ATAD5: variants seen among roughly 807,000 people sequenced by gnomAD.
The protein encoded by ATAD5 is ATPase family AAA domain-containing protein 5.
Under a neutral mutation model 176.9 loss-of-function variants are expected in ATAD5, and 58 were observed. The ratio of observed to expected loss-of-function variants is 0.33; its 90% CI spans 0.27 to 0.41. The LOEUF (loss-of-function observed/expected upper bound fraction) is 0.41, where lower values mean the gene tolerates loss of function less well. Among genes scored for constraint, ATAD5 ranks in the 10% least tolerant of loss-of-function variants. ATAD5 has a pLI of 1.00. For missense variants in ATAD5, 1,789 were observed against 2,094.1 expected (o/e 0.85, Z 2.84); for synonymous variants, 640 against 712.6 (o/e 0.90, Z 1.62).
intron 2 of ATAD5, 107 bp downstream of exon 2, chr17:30,836,155 G>T: frequency 6.6e-6 from 6 of 913,804 alleles, no homozygotes; most frequent in South Asian, 2.6e-5. Flanking sequence ...GAACACAGCT[G>T]TTTAAAAGAA....
At chr17:30,840,244 A>T (rs1244158457) in intron 3 of ATAD5, among the ~76,000 whole-genome samples, 2 of 149,748 alleles carry the variant, frequency 1.3e-5, no homozygotes, top group Non-Finnish European at 3.0e-5. Context: ...AGGTCCATGT[A>T]TTATAATACT....
chr17:30,853,874 C>T (rs1206492903), intron 6 of ATAD5, among the ~76,000 whole-genome samples: 1 of 151,668 alleles, frequency 6.6e-6, no homozygotes, highest in Non-Finnish European at 1.5e-5. Context: ...AATATTACAT[C>T]AGAAGTTCTT....
At chr17:30,850,860 T>TAC in intron 6 of ATAD5, among the ~76,000 whole-genome samples, 1 of 35,844 alleles carries the variant, frequency 2.8e-5, no homozygotes, top group South Asian at 1.6e-3. Context: ...TATATATATA[T>TAC]ATATATATAT....
chr17:30,840,478 C>A, intron 3 of ATAD5, 139 bp from the exon 4 acceptor site: 1 of 577,388 alleles, frequency 1.7e-6, no homozygotes, highest in Non-Finnish European at 2.7e-6. Flanking sequence ...AGACACATTT[C>A]AATTTAAGGC....
chr17:30,894,931 G>T lies in ATAD5; in HGVS notation c.*18G>T, dbSNP rs560274061. On this transcript the variant is annotated 3_prime_UTR_variant, in exon 23 of 23. Coordinates refer to ENST00000321990, the MANE Select transcript of ATAD5 (RefSeq NM_024857.5). ...TCCCTTAATGTTCCATACTAACAAT[G>T]CTTTGTATAGATTATCATGTGGTCC... 7 of 1,517,698 alleles carry T rather than the reference G, an allele frequency of 4.6e-6. 1 individual carries two copies. Among genetic ancestry groups the T allele is most frequent in the African/African-American group, 2.8e-5 (2 of 71,454 alleles). The allele number at this position is 1,517,698 out of a possible 1,614,324, so 94.0% of individuals were successfully genotyped here.
In ATAD5 at chr17:30,879,486, T is replaced by C; in HGVS notation, c.4076T>C (p.Leu1359Pro). Residue 1359 changes from leucine to proline, a missense_variant and splice_region_variant, in exon 18 of 23, where the codon CTG becomes CCG. This residue lies in a region of ATAD5 where 194 missense variants were observed against 270.1 expected (regional missense o/e 0.72). Transcript: ENST00000321990. The stretch of plus-strand genomic sequence containing the variant: ...GAAATCAAGTTCAGTACTCCTTCCC[T>C]GGTAAGTTTTAAATTTTGATAGCCA... Reference protein sequence around the residue: ...FEEIKFSTPSLLNVASYLQMI... With the variant: ...FEEIKFSTPSPLNVASYLQMI... The C allele has an allele frequency of 1.3e-6, 2 of 1,587,650 alleles. No homozygotes were observed. Among genetic ancestry groups the C allele is most frequent in the Non-Finnish European group, 1.7e-6 (2 of 1,172,596 alleles).
At chr17:30,837,752 G>A (rs1376857544) in intron 3 of ATAD5, among the ~76,000 whole-genome samples, 1 of 152,136 alleles carries the variant, frequency 6.6e-6, no homozygotes, top group Non-Finnish European at 1.5e-5. Context: ...TTCTCACATG[G>A]TAGAGAACAG....
chr17:30,853,055 AATTTTTGT>A (rs985318319), intron 6 of ATAD5, among the ~76,000 whole-genome samples: 1 of 151,688 alleles, frequency 6.6e-6, no homozygotes, highest in Non-Finnish European at 1.5e-5. Flanking sequence ...ACAGCCAGCT[AATTTTTGT>A]ATTTTTAGTA....
intron 1 of ATAD5, among the ~76,000 whole-genome samples, chr17:30,833,883 C>T (rs902472286): frequency 2.0e-5 from 3 of 152,042 alleles, no homozygotes; most frequent in African/African-American, 7.2e-5. Context: ...GGTTTCACCA[C>T]GTTGGCCAGG....
At chr17:30,861,465 T>C (rs1169382287) in intron 10 of ATAD5, among the ~76,000 whole-genome samples, 1 of 152,122 alleles carries the variant, frequency 6.6e-6, no homozygotes, top group Admixed American at 6.6e-5. Flanking sequence ...AATGACCATA[T>C]TAACAGATAG....
intron 18 of ATAD5, among the ~76,000 whole-genome samples, chr17:30,885,649 G>T (rs8066600): frequency 0.96 from 122,296 of 127,024 alleles, 58,785 homozygotes; most frequent in Middle Eastern, 1. Context: ...TTTTTTTTTG[G>T]TTGAGATGGA....
chr17:30,893,877 A>G lies in ATAD5; in HGVS notation c.5024A>G (p.Asn1675Ser). The change falls in exon 21 of 23, where the codon AAT becomes AGT. Residue 1675 changes from asparagine (N) to serine (S), a missense_variant. Around this residue, in one of 6 missense-constraint regions of ATAD5, gnomAD observed 403 missense variants for 495.1 expected, o/e 0.81. Transcript: ENST00000321990. Reference sequence around the variant, plus strand: ...AGGGAACAAAACAAATACGGTAGAAATGACTTTAGTTGGACAAATGGAAAG... The same window carrying G: ...AGGGAACAAAACAAATACGGTAGAAGTGACTTTAGTTGGACAAATGGAAAG... ...DVREQNKYGR[N>S]DFSWTNGKVT... 1 of 1,613,994 alleles carries G rather than the reference A, an allele frequency of 6.2e-7. No homozygotes were observed. The highest frequency in any genetic ancestry group is 1.1e-5 in the South Asian group (1 of 91,060).
chr17:30,878,718 G>GT (rs71142005), intron 17 of ATAD5, among the ~76,000 whole-genome samples: 4,416 of 56,604 alleles, frequency 0.078, 1,457 homozygotes, highest in Non-Finnish European at 0.11. Context: ...GTTAGGTGGT[G>GT]TTTTTTTTTT....
At chr17:30,851,178 C>T (rs1289386175) in intron 6 of ATAD5, among the ~76,000 whole-genome samples, 18 of 147,986 alleles carry the variant, frequency 1.2e-4, no homozygotes, top group African/African-American at 9.8e-5. Flanking sequence ...CGTGAGCCAC[C>T]GTGCCGGTCT....
chr17:30,849,074 T>A (rs994896769), intron 6 of ATAD5, among the ~76,000 whole-genome samples: 1 of 152,124 alleles, frequency 6.6e-6, no homozygotes, highest in Non-Finnish European at 1.5e-5. Flanking sequence ...TTTCACCATG[T>A]TGGCCAGACT....
chr17:30,894,438 A>G (rs1909808517), intron 21 of ATAD5, 126 bp from the exon 22 acceptor site: 2 of 944,434 alleles, frequency 2.1e-6, no homozygotes, highest in Non-Finnish European at 3.1e-6. Context: ...TGATGTGTTG[A>G]CAGGAAATTA....
At chr17:30,861,381 T>C (rs1336017063) in intron 10 of ATAD5, among the ~76,000 whole-genome samples, 4 of 151,944 alleles carry the variant, frequency 2.6e-5, no homozygotes, top group Non-Finnish European at 4.4e-5. Context: ...TTTTTTTTTC[T>C]TTTGCTCATT....
At chr17:30,889,014 C>T (rs966456572) in intron 19 of ATAD5, among the ~76,000 whole-genome samples, 81 of 149,958 alleles carry the variant, frequency 5.4e-4, no homozygotes, top group African/African-American at 1.8e-3. Context: ...GAGCCAAGAT[C>T]GCACCACTGC....
At chr17:30,861,330 T>C (rs1907620277) in intron 10 of ATAD5, among the ~76,000 whole-genome samples, 1 of 151,856 alleles carries the variant, frequency 6.6e-6, no homozygotes, top group African/African-American at 2.4e-5. Context: ...CCTAGAACTC[T>C]TTTTGTTTTT....
Sources: gnomAD v4.1 joint callset for allele counts (sites outside exome capture counted in the v4.1 genomes callset) on GRCh38, gnomAD v4.1.1 for gene constraint, gnomAD v4.1.1 regional missense constraint, MANE v1.5 for transcripts, NCBI Gene and HGNC (gene_info 2026-07-23, HGNC 2026-07-21) for gene names.